IPPK: variants seen among roughly 807,000 people sequenced by gnomAD.
IPPK encodes inositol-pentakisphosphate 2-kinase.
IPPK carries 22 observed loss-of-function variants against 64.6 expected under a neutral mutation model. The ratio of observed to expected loss-of-function variants is 0.34; its 90% confidence interval spans 0.24 to 0.49. The LOEUF is 0.49. Among genes scored for constraint, IPPK ranks in the 20% least tolerant of loss-of-function variants. IPPK has a pLI of 0.99. For synonymous variants in IPPK, 262 were observed against 247.2 expected (o/e 1.06, Z -0.56); for missense variants, 532 against 630.7 (o/e 0.84, Z 1.68).
chr9:92,618,140 G>A (rs1851501670), intron 12 of IPPK: 1 of 433,014 alleles, frequency 2.3e-6, no homozygotes, highest in Non-Finnish European at 4.7e-6. Context: ...CTGGAAGCAG[G>A]CCCAGCCCCA....
intron 1 of IPPK, among the ~76,000 whole-genome samples, chr9:92,668,222 C>T (rs934990072): frequency 1.3e-5 from 2 of 151,640 alleles, no homozygotes; most frequent in East Asian, 2.0e-4. Flanking sequence ...GAGCCGAGAT[C>T]GCGCCACTGC....
In IPPK at chr9:92,656,507, A is replaced by G. The variant is rs1852376151; in HGVS notation, c.174T>C (p.Phe58=). 1 of 1,613,834 alleles carries G rather than the reference A, an allele frequency of 6.2e-7. No homozygotes were observed. The highest frequency in any genetic ancestry group is 8.5e-7 in the Non-Finnish European group (1 of 1,179,680). Residue 58 remains phenylalanine, a synonymous_variant, in exon 3 of 13, where the codon TTT becomes TTC. Coordinates refer to ENST00000287996, the MANE Select transcript of IPPK (RefSeq NM_022755.6). ...AAAACTCCTTCATGACATTTTTCCC[A>G]AAGTCCACTATGTTCTGCAGGTGTT... is the stretch of plus-strand genomic sequence containing the variant. ...IFQHLQNIVD[F]GKNVMKEFLG... is the part of the protein sequence containing the mutation.
chr9:92,668,711 A>G (rs1852657162), intron 1 of IPPK, among the ~76,000 whole-genome samples: 1 of 152,246 alleles, frequency 6.6e-6, no homozygotes, highest in South Asian at 2.1e-4. Context: ...GGACAGCTTT[A>G]GGTTAGCCTG....
At chr9:92,659,000 T>C (rs760289043) in intron 1 of IPPK, among the ~76,000 whole-genome samples, 2 of 152,226 alleles carry the variant, frequency 1.3e-5, no homozygotes, top group Non-Finnish European at 2.9e-5. Flanking sequence ...CACATTTCAG[T>C]GTGATTTATA....
intron 11 of IPPK, among the ~76,000 whole-genome samples, chr9:92,627,328 T>C (rs1465281997): frequency 7.9e-5 from 12 of 152,280 alleles, no homozygotes. Context: ...TTCCAAAAAA[T>C]AGAAGAGGCT....
chr9:92,664,022 C>T (rs1852542650), intron 1 of IPPK, among the ~76,000 whole-genome samples: 1 of 152,206 alleles, frequency 6.6e-6, no homozygotes, highest in Non-Finnish European at 1.5e-5. Context: ...AATGTCCAGT[C>T]TCAAGAGGCT....
At chr9:92,642,711 G>C in intron 7 of IPPK, 41 bp downstream of exon 7, 1 of 1,578,690 alleles carries the variant, frequency 6.3e-7, no homozygotes, top group Non-Finnish European at 8.7e-7. Context: ...CCATCTCCAG[G>C]GAACCTGACA....
chr9:92,641,100 A>AT (rs1222859407), intron 7 of IPPK, among the ~76,000 whole-genome samples: 1 of 152,236 alleles, frequency 6.6e-6, no homozygotes, highest in Non-Finnish European at 1.5e-5. Context: ...CACCAGCTGC[A>AT]TCACAGCCCA....
chr9:92,635,057 C>T lies in IPPK; in HGVS notation c.1067+101G>A. On this transcript the variant is annotated intron_variant, in intron 10 of 12. Coordinates refer to ENST00000287996, the MANE Select transcript of IPPK (RefSeq NM_022755.6). The surrounding 1 kb of genome is among the most constrained non-coding windows in gnomAD (Gnocchi z 4.4). ...GGGGTAGGAAGTGGCCGGCATGCTT[C>T]ATCCTCCTGGGAAGCTGTGCCTTGG... 8.3e-7 allele frequency: 1 copy of T among 1,207,686 alleles called. No individual in the cohort carries two copies. Among genetic ancestry groups the T allele is most frequent in the Non-Finnish European group, 1.2e-6 (1 of 864,846 alleles). The allele number at this position is 1,207,686 out of a possible 1,614,324, so 74.8% of individuals were successfully genotyped here.
intron 6 of IPPK, among the ~76,000 whole-genome samples, chr9:92,643,486 T>C (rs546721631): frequency 6.6e-6 from 1 of 151,872 alleles, no homozygotes; most frequent in African/African-American, 2.4e-5. Flanking sequence ...GCATAAATGA[T>C]ATGCAGCCAC....
intron 11 of IPPK, among the ~76,000 whole-genome samples, chr9:92,626,549 A>G (rs1851737331): frequency 6.6e-6 from 1 of 152,242 alleles, no homozygotes; most frequent in African/African-American, 2.4e-5. Context: ...TATGAAAAAT[A>G]TGAAAGAGCA....
chr9:92,649,165 TG>T (rs2131449531), intron 5 of IPPK, among the ~76,000 whole-genome samples: 1 of 152,324 alleles, frequency 6.6e-6, no homozygotes, highest in East Asian at 1.9e-4. Flanking sequence ...CGCTTCCCTC[TG>T]GTGACCCTCA....
chr9:92,630,670 G>A lies in IPPK; in HGVS notation c.1170+3716C>T, dbSNP rs116846262. Among the ~76,000 whole-genome samples the A allele has an allele frequency of 7.0e-4, 106 of 151,194 alleles. No homozygotes were observed. In the East Asian group the frequency reaches 0.019, roughly 28 times the overall value. On this transcript the variant is annotated intron_variant, in intron 11 of 12. Transcript: ENST00000287996. ...TGTGTAAAATAATACTCTAAATTAT[G>A]ACTAAAAAAAAAAATACCAAGACAA...
Position 92,623,925 on chromosome 9 carries a change from A to G in IPPK, c.1171-4360T>C, listed in dbSNP as rs143192410. The stretch of plus-strand genomic sequence containing the variant: ...ACAAGAATATTCATAACCGCCAAAA[A>G]CTAGGAACAACCCAAATGTTCATAA... On this transcript the variant is annotated intron_variant, in intron 11 of 12. Transcript: ENST00000287996. Among the ~76,000 whole-genome samples, 23 of 152,384 alleles carry G rather than the reference A, an allele frequency of 1.5e-4. No homozygotes were observed. The East Asian group carries it at 4.4e-3, about 29-fold the overall frequency.
chr9:92,660,950 C>A (rs1397866767), intron 1 of IPPK, among the ~76,000 whole-genome samples: 1 of 152,052 alleles, frequency 6.6e-6, no homozygotes, highest in Non-Finnish European at 1.5e-5. Flanking sequence ...TACACAGGTC[C>A]CAGGAGAAAA....
intron 8 of IPPK, among the ~76,000 whole-genome samples, chr9:92,638,590 T>C (rs1851989247): frequency 6.6e-6 from 1 of 152,196 alleles, no homozygotes; most frequent in South Asian, 2.1e-4. Flanking sequence ...CAAGAGCAAA[T>C]GCTCACCACA....
At chr9:92,621,919 A>G (rs1409147467) in intron 11 of IPPK, among the ~76,000 whole-genome samples, 5 of 152,222 alleles carry the variant, frequency 3.3e-5, no homozygotes, top group Non-Finnish European at 7.3e-5. Flanking sequence ...CTGAACACAG[A>G]CATTACAAAA....
chr9:92,651,278 G>A (rs775328405), intron 4 of IPPK, among the ~76,000 whole-genome samples: 3 of 152,226 alleles, frequency 2.0e-5, no homozygotes, highest in Non-Finnish European at 2.9e-5. Context: ...GCTCCGGGCA[G>A]AGGCATTTCC....
intron 2 of IPPK, among the ~76,000 whole-genome samples, chr9:92,657,478 C>G (rs1002168646): frequency 3.9e-5 from 6 of 152,192 alleles, no homozygotes; most frequent in African/African-American, 1.4e-4. Flanking sequence ...CAGACACTGC[C>G]CCGGCCACTC....
Sources: allele counts gnomAD v4.1 joint callset (sites outside exome capture counted in the v4.1 genomes callset), GRCh38; gene constraint gnomAD v4.1.1; non-coding constraint Gnocchi (gnomAD v3.1); transcripts MANE v1.5; gene names NCBI Gene and HGNC (gene_info 2026-07-23, HGNC 2026-07-21).